The following MTUS1 variants were observed in gnomAD, a reference collection of about 807,000 sequenced individuals.
The protein encoded by MTUS1 is microtubule-associated tumor suppressor 1.
MTUS1 carries 109 observed loss-of-function variants against 120.8 expected under a neutral mutation model. The ratio of observed to expected loss-of-function variants is 0.90; its 90% CI spans 0.77 to 1.06. The LOEUF is 1.06. Ranked by LOEUF, MTUS1 falls within the 50% of genes least tolerant of loss-of-function variation. The pLI is 0.00. For missense variants in MTUS1, 2,210 were observed against 1,486.3 expected (o/e 1.49, Z -8.01); for synonymous variants, 737 against 550.5 (o/e 1.34, Z -4.74).
intron 1 of MTUS1, chr8:17,770,723 T>A (rs2131447180): frequency 6.6e-6 from 1 of 152,348 alleles, no homozygotes; most frequent in East Asian, 1.9e-4. Flanking sequence ...TTCCTTGGAC[T>A]CTCTGCCAAT....
At chr8:17,735,215 C>G (rs1188370818) in intron 3 of MTUS1, among the ~76,000 whole-genome samples, 2 of 152,100 alleles carry the variant, frequency 1.3e-5, no homozygotes, top group African/African-American at 2.4e-5. Flanking sequence ...TTCACATGCC[C>G]CGAATTAAAC....
chr8:17,742,714 G>A (rs1419133671), intron 3 of MTUS1, among the ~76,000 whole-genome samples: 1 of 152,166 alleles, frequency 6.6e-6, no homozygotes, highest in East Asian at 1.9e-4. Context: ...CACACTTGAG[G>A]CTTCATGGTA....
At chr8:17,717,237 A>G (rs930473680) in intron 4 of MTUS1, among the ~76,000 whole-genome samples, 1 of 152,208 alleles carries the variant, frequency 6.6e-6, no homozygotes, top group African/African-American at 2.4e-5. Flanking sequence ...TGCTGAGAAA[A>G]TTCTGTCAAT....
intron 1 of MTUS1, among the ~76,000 whole-genome samples, chr8:17,793,088 C>G (rs1212179915): frequency 6.6e-6 from 1 of 152,098 alleles, no homozygotes; most frequent in Non-Finnish European, 1.5e-5. Context: ...TTTCTCTAAA[C>G]AGAAAACAGC....
At chr8:17,744,513 C>A (rs1363661033) in intron 2 of MTUS1, among the ~76,000 whole-genome samples, 1 of 152,022 alleles carries the variant, frequency 6.6e-6, no homozygotes, top group Non-Finnish European at 1.5e-5. Context: ...CTCTGCCTCC[C>A]GGGTTCAAGT....
At position 17,760,283 on chromosome 8, in the gene MTUS1, C is replaced by T. The variant is rs528417886; in HGVS notation, c.-154-4322G>A. ...GCAAAGAGACTAAAAAACCCACAAA[C>T]ATGTGTTCATAAATACTTAAGGATT... is the stretch of plus-strand genomic sequence containing the variant. On this transcript the variant is annotated intron_variant, in intron 1 of 14. Transcript: ENST00000693296. Among the ~76,000 whole-genome samples the T allele has an allele frequency of 1.6e-4, 25 of 152,196 alleles. 1 individual carries two copies. In the South Asian group the frequency reaches 5.0e-3, roughly 30 times the overall value.
chr8:17,747,086 C>G (rs533810222), intron 2 of MTUS1, among the ~76,000 whole-genome samples: 5 of 152,142 alleles, frequency 3.3e-5, no homozygotes, highest in South Asian at 2.1e-4. Context: ...CTCTCAAACT[C>G]GAATAGGGTT....
At chr8:17,678,809 C>T (rs1361903126) in intron 7 of MTUS1, among the ~76,000 whole-genome samples, 2 of 151,174 alleles carry the variant, frequency 1.3e-5, no homozygotes, top group East Asian at 1.9e-4. Context: ...GGAGGGTGAC[C>T]TCAGCCCTGT....
At chr8:17,770,639 C>T (rs1324522097) in intron 1 of MTUS1, 1 of 152,192 alleles carries the variant, frequency 6.6e-6, no homozygotes. Flanking sequence ...TATGATTATT[C>T]AAAGACAGTT....
chr8:17,754,702 T>C lies in MTUS1; in HGVS notation c.1106A>G (p.His369Arg), dbSNP rs754211273. 3.1e-6 allele frequency: 5 copies of C among 1,614,144 alleles called. No individual in the cohort carries two copies. In the Admixed American group the frequency reaches 8.3e-5, roughly 27 times the overall value. ...TGTGTCTTCAGTCTCAGTGACTTTA[T>C]GCTCTGGGTTCAGCACTTGAGCTTC... is the stretch of plus-strand genomic sequence containing the variant. ...KSEAQVLNPE[H>R]KVTETEDTQM... The change falls in exon 2 of 15, where the codon CAT becomes CGT. Residue 369 changes from histidine to arginine, a missense_variant. Coordinates refer to ENST00000693296, the MANE Select transcript of MTUS1 (RefSeq NM_001363059.2).
chr8:17,763,289 C>T (rs1238779634), intron 1 of MTUS1, among the ~76,000 whole-genome samples: 2 of 152,190 alleles, frequency 1.3e-5, no homozygotes, highest in African/African-American at 4.8e-5. Flanking sequence ...CACGCCTGGC[C>T]GGTACCATTT....
At chr8:17,741,473 G>C (rs1251633165) in intron 3 of MTUS1, among the ~76,000 whole-genome samples, 1 of 152,132 alleles carries the variant, frequency 6.6e-6, no homozygotes, top group African/African-American at 2.4e-5. Context: ...TTTTAACTCA[G>C]ACTGAAAAAT....
intron 8 of MTUS1, among the ~76,000 whole-genome samples, chr8:17,658,561 C>T (rs1413938208): frequency 6.6e-6 from 1 of 152,216 alleles, no homozygotes; most frequent in Non-Finnish European, 1.5e-5. Context: ...CAGGGATACA[C>T]ATGCTGTCCA....
intron 7 of MTUS1, chr8:17,676,061 G>T: frequency 3.5e-6 from 2 of 568,142 alleles, no homozygotes; most frequent in South Asian, 2.3e-5. Flanking sequence ...AAAAAAAAAT[G>T]AAGAATTTCA....
chr8:17,684,335 A>G lies in MTUS1; in HGVS notation c.2831T>C (p.Leu944Pro). The change falls in exon 7 of 15, where the codon CTG becomes CCG. Residue 944 changes from leucine to proline, a missense_variant. Physicochemically the swap from Leu to Pro is moderately conservative, Grantham distance 98 (BLOSUM62 -3). Coordinates refer to ENST00000693296, the MANE Select transcript of MTUS1 (RefSeq NM_001363059.2). ...EALTVVIQHL[L>P]SEREEALKQH... The stretch of plus-strand genomic sequence containing the variant: ...TAGGATGCACCTCCTTACCTCAGAC[A>G]GCAGGTGCTGAATCACAACTGTCAA... 6.2e-7 allele frequency: 1 copy of G among 1,613,808 alleles called. No individual in the cohort carries two copies.
At chr8:17,781,553 T>C (rs1371676617) in intron 1 of MTUS1, among the ~76,000 whole-genome samples, 1 of 152,202 alleles carries the variant, frequency 6.6e-6, no homozygotes, top group Non-Finnish European at 1.5e-5. Context: ...TCCAGAAACA[T>C]ATCCCAGTAA....
chr8:17,683,853 A>T (rs1266822322), intron 7 of MTUS1, among the ~76,000 whole-genome samples: 1 of 152,200 alleles, frequency 6.6e-6, no homozygotes, highest in Admixed American at 6.5e-5. Context: ...CACCACAGAG[A>T]TTGTTTTAGG....
At chr8:17,798,402 G>C (rs1052288805) in intron 1 of MTUS1, among the ~76,000 whole-genome samples, 1 of 151,564 alleles carries the variant, frequency 6.6e-6, no homozygotes, top group Non-Finnish European at 1.5e-5. Context: ...GAGTGATCTC[G>C]GCTCACTGCA....
chr8:17,652,835 C>CAA lies in MTUS1; in HGVS notation c.3384+349_3384+350dup, dbSNP rs200107266. On this transcript the variant is annotated intron_variant, in intron 12 of 14. Coordinates refer to ENST00000693296, the MANE Select transcript of MTUS1 (RefSeq NM_001363059.2). ...TGAGTGACAGAGTGAGACTCCCTCT[C>CAA]AAAAAAAAAAAAAGAAAGAGTGAAC... Among the ~76,000 whole-genome samples the CAA allele has an allele frequency of 3.1e-5, 4 of 129,966 alleles. No individual in the cohort carries two copies. The South Asian group carries it at 9.2e-4, about 30-fold the overall frequency. 85.3% of individuals were successfully genotyped at this position (129,966 alleles called of 152,430 possible). A position where few individuals can be genotyped will look rare whatever the true frequency, so the allele number is the denominator to read the frequency against.
Sources: gnomAD v4.1 joint callset for allele counts (sites outside exome capture counted in the v4.1 genomes callset) on GRCh38, gnomAD v4.1.1 for gene constraint, MANE v1.5 for transcripts, NCBI Gene and HGNC (gene_info 2026-07-23, HGNC 2026-07-21) for gene names.